Variants in ROBO2 observed in about 807,000 individuals in gnomAD.
ROBO2 encodes the protein roundabout homolog 2.
A neutral mutation model predicts 160.8 loss-of-function variants in ROBO2; 53 were observed. The ratio of observed to expected loss-of-function variants is 0.33; its 90% CI spans 0.26 to 0.41. ROBO2 has a LOEUF of 0.41. Ranked by LOEUF, ROBO2 falls within the 10% of genes least tolerant of loss-of-function variation. The pLI is 1.00. For missense variants in ROBO2, 1,577 were observed against 1,722.4 expected (o/e 0.92, Z 1.49); for synonymous variants, 664 against 611.7 (o/e 1.09, Z -1.26).
intron 2 of ROBO2, among the ~76,000 whole-genome samples, chr3:76,089,460 A>G (rs2069140354): frequency 6.6e-6 from 1 of 152,254 alleles, no homozygotes; most frequent in South Asian, 2.1e-4. Context: ...TAAATTGAAC[A>G]TGTATAAAAA....
chr3:76,609,099 C>A (rs938477183), intron 2 of ROBO2, among the ~76,000 whole-genome samples: 1 of 152,202 alleles, frequency 6.6e-6, no homozygotes, highest in African/African-American at 2.4e-5. Flanking sequence ...GTTTACAGCA[C>A]CATTTACTGA....
intron 2 of ROBO2, among the ~76,000 whole-genome samples, chr3:77,348,656 T>A (rs1279755376): frequency 6.6e-6 from 1 of 152,194 alleles, no homozygotes; most frequent in Non-Finnish European, 1.5e-5. Context: ...ATTTTCAGAA[T>A]ATGTCCAGAT....
intron 2 of ROBO2, among the ~76,000 whole-genome samples, chr3:75,948,246 T>G (rs79700570): frequency 6.6e-6 from 1 of 152,020 alleles, no homozygotes; most frequent in Non-Finnish European, 1.5e-5. Flanking sequence ...ACATTTTTGG[T>G]TTTTGTTTTA....
At chr3:76,481,129 T>G (rs1458965179) in intron 2 of ROBO2, among the ~76,000 whole-genome samples, 1 of 152,136 alleles carries the variant, frequency 6.6e-6, no homozygotes, top group Admixed American at 6.6e-5. Flanking sequence ...AGTTTTCACT[T>G]TGTGATGTCG....
intron 2 of ROBO2, among the ~76,000 whole-genome samples, chr3:76,459,818 G>A (rs189050194): frequency 6.6e-6 from 1 of 151,872 alleles, no homozygotes; most frequent in African/African-American, 2.4e-5. Context: ...TATTTTGAAG[G>A]CCTTTTTATC....
At chr3:76,113,138 T>A (rs960002896) in intron 2 of ROBO2, among the ~76,000 whole-genome samples, 5 of 152,034 alleles carry the variant, frequency 3.3e-5, no homozygotes, top group South Asian at 4.1e-4. Flanking sequence ...AAATAAAAAA[T>A]TTTGTTTATT....
At chr3:77,628,447 T>TTG (rs1217992577) in intron 23 of ROBO2, among the ~76,000 whole-genome samples, 1 of 139,570 alleles carries the variant, frequency 7.2e-6, no homozygotes, top group Admixed American at 7.2e-5. Context: ...TCTCTTTTTG[T>TTG]GGGGGGGGGG....
chr3:77,410,383 T>C lies in ROBO2; in HGVS notation c.389-67031T>C, dbSNP rs573833813. 1.1e-4 allele frequency among the ~76,000 whole-genome samples: 16 copies of C among 152,276 alleles called. No homozygotes were observed. In the South Asian group the frequency reaches 3.3e-3, roughly 32 times the overall value. On this transcript the variant is annotated intron_variant, in intron 2 of 25. Coordinates refer to ENST00000461745, the Ensembl canonical transcript of ROBO2. The stretch of plus-strand genomic sequence containing the variant: ...ATCTATAGCTAATTTTCTTCGCCTG[T>C]ATTGCTTCTAGTATGGGCTGACTCA...
At chr3:76,419,270 G>A (rs537250410) in intron 2 of ROBO2, among the ~76,000 whole-genome samples, 3 of 152,164 alleles carry the variant, frequency 2.0e-5, no homozygotes, top group South Asian at 2.1e-4. Context: ...ATGTGTTTTG[G>A]GGAAGAAAAT....
At chr3:77,431,540 A>G (rs2078771752) in intron 2 of ROBO2, among the ~76,000 whole-genome samples, 2 of 152,152 alleles carry the variant, frequency 1.3e-5, no homozygotes, top group Admixed American at 1.3e-4. Flanking sequence ...TGATGACCCT[A>G]CTTGCACATT....
chr3:77,176,289 A>C (rs2080145662), intron 2 of ROBO2, among the ~76,000 whole-genome samples: 1 of 152,066 alleles, frequency 6.6e-6, no homozygotes, highest in Admixed American at 6.6e-5. Flanking sequence ...ATAACCTTTA[A>C]CAATGATAAA....
chr3:77,533,758 G>T (rs2091913925), intron 6 of ROBO2, among the ~76,000 whole-genome samples: 1 of 152,096 alleles, frequency 6.6e-6, no homozygotes, highest in Non-Finnish European at 1.5e-5. Context: ...CCATTCTGAG[G>T]TCAACTGATT....
At chr3:75,939,179 A>G (rs1317903970) in intron 2 of ROBO2, among the ~76,000 whole-genome samples, 1 of 152,136 alleles carries the variant, frequency 6.6e-6, no homozygotes, top group African/African-American at 2.4e-5. Context: ...TTTCTCTGGT[A>G]ATGTGTAGAA....
chr3:76,875,505 AG>A, intron 2 of ROBO2, among the ~76,000 whole-genome samples: 1 of 152,290 alleles, frequency 6.6e-6, no homozygotes, highest in East Asian at 1.9e-4. Context: ...GCTAAAATCA[AG>A]GTGTCAACAA....
intron 2 of ROBO2, among the ~76,000 whole-genome samples, chr3:76,236,748 A>G (rs1482364562): frequency 6.6e-6 from 1 of 152,112 alleles, no homozygotes; most frequent in East Asian, 1.9e-4. Context: ...AAAATACATG[A>G]TTAGGTTTTC....
intron 2 of ROBO2, among the ~76,000 whole-genome samples, chr3:76,276,114 G>A (rs767265306): frequency 6.6e-6 from 1 of 151,926 alleles, no homozygotes; most frequent in Non-Finnish European, 1.5e-5. Flanking sequence ...AACAGTCAAG[G>A]TCTTCCTAAA....
chr3:77,505,346 A>G (rs918541928), intron 5 of ROBO2, among the ~76,000 whole-genome samples: 4 of 151,290 alleles, frequency 2.6e-5, no homozygotes, highest in African/African-American at 9.7e-5. Flanking sequence ...TTTTTTTTTC[A>G]ATTGGCAAAT....
chr3:77,013,202 AT>A (rs898197957), intron 2 of ROBO2, among the ~76,000 whole-genome samples: 12 of 152,154 alleles, frequency 7.9e-5, no homozygotes, highest in African/African-American at 2.7e-4. Flanking sequence ...AAGAATTGAA[AT>A]ATTTTGGAAA....
At chr3:77,640,235 C>A (rs2095330161) in intron 24 of ROBO2, among the ~76,000 whole-genome samples, 1 of 150,988 alleles carries the variant, frequency 6.6e-6, no homozygotes, top group Non-Finnish European at 1.5e-5. Context: ...CCTCAGCCTC[C>A]CGAGTAGCTG....
Sources: gnomAD v4.1 joint callset for allele counts (sites outside exome capture counted in the v4.1 genomes callset) on GRCh38, gnomAD v4.1.1 for gene constraint, MANE v1.5 for transcripts, NCBI Gene and HGNC (gene_info 2026-07-23, HGNC 2026-07-21) for gene names.